The following KCNK2 variants were observed in gnomAD, a reference collection of about 807,000 sequenced individuals.
KCNK2 encodes potassium channel subfamily K member 2.
KCNK2 carries 21 observed loss-of-function variants against 40.5 expected under a neutral mutation model. The ratio of observed to expected loss-of-function variants is 0.52; its 90% CI spans 0.37 to 0.75. The LOEUF (loss-of-function observed/expected upper bound fraction) is 0.75. Among genes scored for constraint, KCNK2 ranks in the 30% least tolerant of loss-of-function variants. The probability of loss-of-function intolerance (pLI) is 0.00; values close to 1 mark genes in which losing one functional copy is unlikely to be tolerated. For missense variants in KCNK2, 399 were observed against 531.6 expected (o/e 0.75, Z 2.45); for synonymous variants, 191 against 202.2 (o/e 0.94, Z 0.47).
chr1:215,198,524 C>A (rs1664959573), intron 6 of KCNK2, among the ~76,000 whole-genome samples: 1 of 152,084 alleles, frequency 6.6e-6, no homozygotes. Context: ...GATTATTAGA[C>A]AATTTTAGTT....
chr1:215,008,085 A>G (rs1656248495), intron 1 of KCNK2, among the ~76,000 whole-genome samples: 1 of 152,012 alleles, frequency 6.6e-6, no homozygotes, highest in African/African-American at 2.4e-5. Context: ...CTTGACCAAG[A>G]AATGACACAA....
At chr1:215,056,857 C>T (rs1284048775) in intron 1 of KCNK2, among the ~76,000 whole-genome samples, 1 of 152,010 alleles carries the variant, frequency 6.6e-6, no homozygotes, top group Non-Finnish European at 1.5e-5. Context: ...ATCCCAGAAG[C>T]TGAACTGCTT....
chr1:215,143,290 T>C (rs116329669), intron 3 of KCNK2, among the ~76,000 whole-genome samples: 4,564 of 152,192 alleles, frequency 0.03, 93 homozygotes, highest in South Asian at 0.058. Flanking sequence ...CCTGTTTCTA[T>C]AGGAGGGCAG....
intron 6 of KCNK2, among the ~76,000 whole-genome samples, chr1:215,195,371 T>G (rs1026649955): frequency 5.9e-5 from 9 of 151,908 alleles, no homozygotes; most frequent in South Asian, 2.1e-4. Flanking sequence ...TTCTTTTTTT[T>G]TTTGTTTTCT....
chr1:215,012,381 T>C (rs1901622), intron 1 of KCNK2, among the ~76,000 whole-genome samples: 23,945 of 152,194 alleles, frequency 0.16, 2,275 homozygotes, highest in Middle Eastern at 0.27. Flanking sequence ...GGAATCTCAC[T>C]GTGGTTTTAA....
chr1:215,022,798 A>C (rs901525674), intron 1 of KCNK2, among the ~76,000 whole-genome samples: 1 of 152,024 alleles, frequency 6.6e-6, no homozygotes, highest in Non-Finnish European at 1.5e-5. Flanking sequence ...GCTAATCTTT[A>C]TCTTGTCTAA....
intron 6 of KCNK2, among the ~76,000 whole-genome samples, chr1:215,231,498 T>A (rs1313770395): frequency 6.6e-6 from 1 of 152,158 alleles, no homozygotes; most frequent in Non-Finnish European, 1.5e-5. Context: ...TTGATTGTTA[T>A]ACCAACTCTA....
intron 3 of KCNK2, among the ~76,000 whole-genome samples, chr1:215,153,630 A>C (rs1400877460): frequency 6.7e-6 from 1 of 150,290 alleles, no homozygotes; most frequent in East Asian, 2.0e-4. Flanking sequence ...ATTTTTTTTA[A>C]ATTTTACTTT....
intron 1 of KCNK2, among the ~76,000 whole-genome samples, chr1:215,069,660 TG>T (rs563915328): frequency 1.1e-4 from 17 of 152,218 alleles, no homozygotes; most frequent in Non-Finnish European, 2.2e-4. Context: ...ATTAACAAGT[TG>T]GGGTTTATAT....
chr1:215,232,543 G>C (rs1054595837), intron 6 of KCNK2, among the ~76,000 whole-genome samples: 1 of 152,122 alleles, frequency 6.6e-6, no homozygotes, highest in Admixed American at 6.5e-5. Flanking sequence ...TCATTTAACA[G>C]GTACTTATTG....
At chr1:215,026,412 C>T (rs940480690) in intron 1 of KCNK2, among the ~76,000 whole-genome samples, 2 of 151,966 alleles carry the variant, frequency 1.3e-5, no homozygotes, top group African/African-American at 4.8e-5. Flanking sequence ...ATTTTTAACA[C>T]TTTAATCCAT....
intron 6 of KCNK2, among the ~76,000 whole-genome samples, chr1:215,204,037 C>CAAAAAAAAAAAAAAAA (rs71167813): frequency 1.7e-4 from 9 of 53,186 alleles, no homozygotes; most frequent in African/African-American, 7.6e-4. Flanking sequence ...GACTCCGTCT[C>CAAAAAAAAAAAAAAAA]AAAAAAAAAA....
At chr1:215,038,810 G>A (rs1288293391) in intron 1 of KCNK2, among the ~76,000 whole-genome samples, 2 of 151,922 alleles carry the variant, frequency 1.3e-5, no homozygotes, top group Non-Finnish European at 2.9e-5. Flanking sequence ...TTTATTCCCA[G>A]CACTTCTGCT....
At chr1:215,087,999 C>A (rs1659521030) in intron 2 of KCNK2, among the ~76,000 whole-genome samples, 1 of 152,174 alleles carries the variant, frequency 6.6e-6, no homozygotes, top group Non-Finnish European at 1.5e-5. Context: ...TTTGAAAATG[C>A]TGTTCACTTA....
At chr1:215,119,875 G>A (rs979696564) in intron 2 of KCNK2, among the ~76,000 whole-genome samples, 1 of 152,286 alleles carries the variant, frequency 6.6e-6, no homozygotes. Flanking sequence ...CATTGGAAAA[G>A]TACTCTGATG....
chr1:215,174,042 G>T (rs1197414399), intron 5 of KCNK2, among the ~76,000 whole-genome samples: 1 of 152,114 alleles, frequency 6.6e-6, no homozygotes, highest in East Asian at 1.9e-4. Context: ...TCAAGTCCTT[G>T]CCCATGCCTA....
chr1:215,044,826 T>TGAGC (rs142895602), intron 1 of KCNK2, among the ~76,000 whole-genome samples: 1 of 140,590 alleles, frequency 7.1e-6, no homozygotes. Context: ...TGTGTGTGTG[T>TGAGC]GCGCGCGCAC....
intron 6 of KCNK2, among the ~76,000 whole-genome samples, chr1:215,221,648 GA>G (rs1571747116): frequency 2.6e-5 from 4 of 152,118 alleles, no homozygotes. Context: ...GGAGGTGGGG[GA>G]AAGGGAGGGG....
chr1:215,122,526 A>C (rs1230534418), intron 2 of KCNK2, among the ~76,000 whole-genome samples: 2 of 152,132 alleles, frequency 1.3e-5, no homozygotes, highest in African/African-American at 4.8e-5. Flanking sequence ...CTGTGCATTT[A>C]ATATTAGATA....
Sources: allele counts gnomAD v4.1 joint callset (sites outside exome capture counted in the v4.1 genomes callset), GRCh38; gene constraint gnomAD v4.1.1; transcripts MANE v1.5; gene names NCBI Gene and HGNC (gene_info 2026-07-23, HGNC 2026-07-21).